The following FNDC3A variants were observed in gnomAD, a reference collection of about 807,000 sequenced individuals.
FNDC3A encodes the protein fibronectin type III domain containing 3A, also known as fibronectin type-III domain-containing protein 3A.
FNDC3A carries 32 observed loss-of-function variants against 148.9 expected under a neutral mutation model. The observed-to-expected ratio is 0.21, with a 90% CI of 0.16 to 0.29. The LOEUF (loss-of-function observed/expected upper bound fraction) is 0.29. Among genes scored for constraint, FNDC3A ranks in the 10% least tolerant of loss-of-function variants. The probability of loss-of-function intolerance (pLI) is 1.00; values close to 1 mark genes in which losing one functional copy is unlikely to be tolerated. For missense variants in FNDC3A, 1,191 were observed against 1,452.8 expected, an observed-to-expected ratio of 0.82 and a Z score of 2.93; for synonymous variants, 472 against 473.6, an observed-to-expected ratio of 1.00 and a Z score of 0.04.
At chr13:48,975,837 G>A (rs369123699), upstream of FNDC3A, 260 of 151,660 alleles carry the variant, frequency 1.7e-3, no homozygotes, top group African/African-American at 6.1e-3. Context: ...CGAGGCGGGG[G>A]TTCGGGGTCC....
intron 3 of FNDC3A, among the ~76,000 whole-genome samples, chr13:49,076,619 A>G (rs1039338360): frequency 6.6e-6 from 1 of 152,078 alleles, no homozygotes; most frequent in African/African-American, 2.4e-5. Flanking sequence ...ATCATTGTGA[A>G]GGTTCCTGAT....
At chr13:49,104,101 A>G (rs1228469352) in intron 3 of FNDC3A, among the ~76,000 whole-genome samples, 1 of 152,214 alleles carries the variant, frequency 6.6e-6, no homozygotes, top group Non-Finnish European at 1.5e-5. Flanking sequence ...TTCAGATGTT[A>G]AGGAAGAATA....
chr13:49,037,729 C>G (rs1320783683), intron 2 of FNDC3A, among the ~76,000 whole-genome samples: 1 of 152,208 alleles, frequency 6.6e-6, no homozygotes, highest in Admixed American at 6.5e-5. Flanking sequence ...CCTCTCTGTT[C>G]AGCCACTGAG....
At chr13:49,151,080 A>T (rs1048138752) in intron 8 of FNDC3A, among the ~76,000 whole-genome samples, 3 of 152,154 alleles carry the variant, frequency 2.0e-5, no homozygotes, top group Non-Finnish European at 4.4e-5. Flanking sequence ...TGTATTCACA[A>T]AGGTCAGTTA....
At chr13:49,091,856 T>G (rs952561136) in intron 3 of FNDC3A, among the ~76,000 whole-genome samples, 1 of 152,238 alleles carries the variant, frequency 6.6e-6, no homozygotes, top group African/African-American at 2.4e-5. Context: ...GATGGAATGC[T>G]GCCATGCATA....
intron 1 of FNDC3A, among the ~76,000 whole-genome samples, chr13:48,989,251 A>T (rs1482491792): frequency 2.6e-5 from 4 of 152,238 alleles, no homozygotes; most frequent in Non-Finnish European, 5.9e-5. Flanking sequence ...CAGATTATTT[A>T]TGGAAATACA....
chr13:49,047,518 G>A (rs1399977929), intron 2 of FNDC3A, among the ~76,000 whole-genome samples: 1 of 152,004 alleles, frequency 6.6e-6, no homozygotes, highest in African/African-American at 2.4e-5. Context: ...ATTGCATTGT[G>A]GTTTTAATTC....
At position 49,006,054 on chromosome 13, in the gene FNDC3A, T is replaced by C. The variant is rs1952214634; in HGVS notation, c.-39-98T>C. 1.5e-5 allele frequency: 7 copies of C among 472,422 alleles called. No individual in the cohort carries two copies. The Admixed American group carries it at 2.0e-4, about 13-fold the overall frequency. 29.3% of individuals were successfully genotyped at this position (472,422 alleles called of 1,614,324 possible). ...ATTCTAGAATTTCCTTTGACAAGAA[T>C]ATCTCTTTAGGTTAAAGAATGAAAC... On this transcript the variant is annotated intron_variant, in intron 1 of 25. Transcript: ENST00000492622.
chr13:49,075,304 G>A lies in FNDC3A; in HGVS notation c.115G>A (p.Val39Ile). The A allele has an allele frequency of 3.1e-6, 5 of 1,599,734 alleles. No individual in the cohort carries two copies. In the South Asian group the frequency reaches 5.5e-5, roughly 18 times the overall value. Residue 39 changes from valine to isoleucine, a missense_variant, in exon 3 of 26, where the codon GTT becomes ATT. By Grantham distance (29) the Val-to-Ile change is conservative. This residue lies in a region of FNDC3A where 426 missense variants were observed against 473.2 expected (regional missense o/e 0.90). Coordinates refer to ENST00000492622, the MANE Select transcript of FNDC3A (RefSeq NM_001079673.2). ...CATTTTTAAGGTTATTCTGGTACAA[G>A]TTAACCCAGGAGAAGCATTTACAAT... ...DGTQQVILVQ[V>I]NPGEAFTIRR...
At chr13:49,096,636 T>C (rs1418287526) in intron 3 of FNDC3A, among the ~76,000 whole-genome samples, 1 of 152,160 alleles carries the variant, frequency 6.6e-6, no homozygotes, top group Admixed American at 6.6e-5. Context: ...GTGTGCTCTT[T>C]TCCCTAGAGA....
chr13:48,986,121 A>G (rs1232809283), intron 1 of FNDC3A, among the ~76,000 whole-genome samples: 2 of 152,200 alleles, frequency 1.3e-5, no homozygotes, highest in African/African-American at 4.8e-5. Flanking sequence ...GAATTCTACC[A>G]GTGATTCTTA....
intron 7 of FNDC3A, among the ~76,000 whole-genome samples, chr13:49,145,066 T>C (rs1442658472): frequency 6.7e-6 from 1 of 149,334 alleles, no homozygotes; most frequent in African/African-American, 2.5e-5. Context: ...CATTCTTAAG[T>C]GTGTATATTT....
At chr13:49,020,663 G>T (rs1873254754) in intron 2 of FNDC3A, among the ~76,000 whole-genome samples, 1 of 152,224 alleles carries the variant, frequency 6.6e-6, no homozygotes, top group Admixed American at 6.5e-5. Context: ...CTTGCCATCA[G>T]TGTTGGGGGG....
At chr13:48,998,110 A>G (rs1176462114) in intron 1 of FNDC3A, among the ~76,000 whole-genome samples, 1 of 152,162 alleles carries the variant, frequency 6.6e-6, no homozygotes, top group African/African-American at 2.4e-5. Flanking sequence ...GATTTGGACA[A>G]TGGAGAAAAG....
intron 8 of FNDC3A, among the ~76,000 whole-genome samples, chr13:49,155,436 GTCTA>G (rs764487065): frequency 1.3e-3 from 196 of 149,310 alleles, no homozygotes; most frequent in Non-Finnish European, 4.5e-4. Flanking sequence ...CTTGCTAGCG[GTCTA>G]TCTATTTTGT....
At position 49,172,461 on chromosome 13, in the gene FNDC3A, A is replaced by G. The variant is rs186882824; in HGVS notation, c.1230+365A>G. Among the ~76,000 whole-genome samples, 235 of 152,226 alleles carry G rather than the reference A, an allele frequency of 1.5e-3. 1 individual carries two copies. Among genetic ancestry groups the G allele is most frequent in the Admixed American group, 2.8e-3 (43 of 15,280 alleles). ...CTTTTCTGGAGGCCAGAAATCCAAA[A>G]TGAGTTTCTCTGGGACAAAATCAAG... On this transcript the variant is annotated intron_variant, in intron 11 of 25. Transcript: ENST00000492622.
chr13:49,073,934 A>C (rs1375298709), intron 2 of FNDC3A, among the ~76,000 whole-genome samples: 1 of 151,318 alleles, frequency 6.6e-6, no homozygotes, highest in East Asian at 1.9e-4. Context: ...CATTTTGGCT[A>C]AGGGATACTC....
chr13:49,028,294 C>T (rs926927978), intron 2 of FNDC3A, among the ~76,000 whole-genome samples: 3 of 152,090 alleles, frequency 2.0e-5, no homozygotes, highest in Non-Finnish European at 4.4e-5. Flanking sequence ...GGGTCTTGCT[C>T]TATCACCAGG....
intron 2 of FNDC3A, among the ~76,000 whole-genome samples, chr13:49,012,805 A>ATTGTGTGTGTGTG: frequency 7.4e-6 from 1 of 134,618 alleles, no homozygotes; most frequent in South Asian, 2.7e-4. Flanking sequence ...GCAATTATAA[A>ATTGTGTGTGTGTG]TGTGTGTGTG....
Sources: allele counts gnomAD v4.1 joint callset (sites outside exome capture counted in the v4.1 genomes callset), GRCh38; gene constraint gnomAD v4.1.1; regional missense constraint gnomAD v4.1.1; transcripts MANE v1.5; gene names NCBI Gene and HGNC (gene_info 2026-07-23, HGNC 2026-07-21).